PDZRN3: variants seen among roughly 807,000 people sequenced by gnomAD.
PDZRN3 encodes the protein PDZ domain containing ring finger 3.
A neutral mutation model predicts 85.7 loss-of-function variants in PDZRN3; 38 were observed. That is an observed-to-expected ratio of 0.44 (90% CI 0.34 to 0.58). PDZRN3 has a LOEUF of 0.58. Ranked by LOEUF, PDZRN3 falls within the 20% of genes least tolerant of loss-of-function variation. The pLI is 0.01. For missense variants in PDZRN3, 1,629 were observed against 1,506.4 expected, an observed-to-expected ratio of 1.08 and a Z score of -1.35; for synonymous variants, 759 against 638.0, an observed-to-expected ratio of 1.19 and a Z score of -2.86.
chr3:73,501,899 C>T (rs1375107874), intron 3 of PDZRN3, among the ~76,000 whole-genome samples: 1 of 152,078 alleles, frequency 6.6e-6, no homozygotes, highest in Non-Finnish European at 1.5e-5. Flanking sequence ...ACCTGTAATC[C>T]CAGCTACTCA....
intron 3 of PDZRN3, among the ~76,000 whole-genome samples, chr3:73,537,514 C>A (rs927681307): frequency 6.6e-5 from 10 of 152,232 alleles, no homozygotes; most frequent in Non-Finnish European, 8.8e-5. Flanking sequence ...CAACAATTCC[C>A]AGGCAAGGGC....
At chr3:73,434,064 T>C (rs903250169) in intron 3 of PDZRN3, 1 of 509,328 alleles carries the variant, frequency 2.0e-6, no homozygotes, top group African/African-American at 2.1e-5. Context: ...TCATTGACTA[T>C]TCATAACAGA....
chr3:73,595,691 T>G (rs1016471811), intron 3 of PDZRN3, among the ~76,000 whole-genome samples: 1 of 152,146 alleles, frequency 6.6e-6, no homozygotes, highest in Non-Finnish European at 1.5e-5. Flanking sequence ...ACAGATTTAA[T>G]TCAAAGGAAA....
intron 3 of PDZRN3, among the ~76,000 whole-genome samples, chr3:73,497,861 T>C (rs952585580): frequency 2.7e-5 from 4 of 148,942 alleles, no homozygotes; most frequent in African/African-American, 1.0e-4. Context: ...GGGGCACGAC[T>C]CGAACCTCTG....
intron 3 of PDZRN3, among the ~76,000 whole-genome samples, chr3:73,438,097 C>T (rs1702564607): frequency 1.3e-5 from 2 of 152,208 alleles, no homozygotes; most frequent in Admixed American, 1.3e-4. Flanking sequence ...GAGCACAAGG[C>T]ACTCTTCTCG....
chr3:73,600,571 A>G (rs1331373291), intron 3 of PDZRN3, among the ~76,000 whole-genome samples: 1 of 152,152 alleles, frequency 6.6e-6, no homozygotes, highest in Non-Finnish European at 1.5e-5. Context: ...ACACTACATG[A>G]TTAATATTTT....
At position 73,383,568 on chromosome 3, in the gene PDZRN3, A is replaced by G; in HGVS notation, c.2998T>C (p.Leu1000=). ...RRREFMMQSR[L]DCLKEQQAAD... is the part of the protein sequence containing the mutation. ...GCTTGCTGCTCCTTGAGACAATCCAACCTGCTCTGCATCATGAACTCGCGC... is the reference window on the plus strand; with the variant it reads ...GCTTGCTGCTCCTTGAGACAATCCAGCCTGCTCTGCATCATGAACTCGCGC... Residue 1000 remains leucine (L), a synonymous_variant, in exon 10 of 10, where the codon TTG becomes CTG. Transcript: ENST00000263666. 1 of 1,613,918 alleles carries G rather than the reference A, an allele frequency of 6.2e-7. No homozygotes were observed. The highest frequency in any genetic ancestry group is 8.5e-7 in the Non-Finnish European group (1 of 1,179,998).
At chr3:73,549,795 T>C (rs902022252) in intron 3 of PDZRN3, among the ~76,000 whole-genome samples, 1 of 152,224 alleles carries the variant, frequency 6.6e-6, no homozygotes, top group Non-Finnish European at 1.5e-5. Context: ...TTCTGTGCCA[T>C]ATTTCATGCT....
In PDZRN3 at chr3:73,603,704, T is replaced by C. The variant is rs753611925; in HGVS notation, c.811-1243A>G. Among the ~76,000 whole-genome samples, 8 of 152,242 alleles carry C rather than the reference T, an allele frequency of 5.3e-5. No homozygotes were observed. The South Asian group carries it at 8.3e-4, about 16-fold the overall frequency. On this transcript the variant is annotated intron_variant, in intron 2 of 9. Coordinates refer to ENST00000263666, the MANE Select transcript of PDZRN3 (RefSeq NM_015009.3). ...TCTTCAAATAAAACATTTTCCACTT[T>C]AAACAGCAAAAAACAAAACCAAAAA... is the stretch of plus-strand genomic sequence containing the variant.
chr3:73,468,765 C>T (rs146015401), intron 3 of PDZRN3, among the ~76,000 whole-genome samples: 156 of 152,236 alleles, frequency 1.0e-3, no homozygotes, highest in Admixed American at 3.1e-3. Flanking sequence ...AGAGGTTAAG[C>T]GGGAGATCTG....
At chr3:73,598,502 T>C (rs1702464364) in intron 3 of PDZRN3, among the ~76,000 whole-genome samples, 1 of 152,118 alleles carries the variant, frequency 6.6e-6, no homozygotes, top group South Asian at 2.1e-4. Context: ...CAGAAGCCAA[T>C]ACTGAGTAAG....
intron 3 of PDZRN3, among the ~76,000 whole-genome samples, chr3:73,577,289 A>G (rs938688826): frequency 2.6e-5 from 4 of 152,190 alleles, no homozygotes; most frequent in Admixed American, 6.5e-5. Flanking sequence ...ATCTCTGTGG[A>G]AAGTTCTACT....
intron 3 of PDZRN3, among the ~76,000 whole-genome samples, chr3:73,467,744 T>C (rs1703249931): frequency 6.6e-6 from 1 of 152,206 alleles, no homozygotes; most frequent in Non-Finnish European, 1.5e-5. Flanking sequence ...TTTATGGCTA[T>C]TCCCTCTATT....
At chr3:73,525,785 C>T (rs985020058) in intron 3 of PDZRN3, among the ~76,000 whole-genome samples, 1 of 152,198 alleles carries the variant, frequency 6.6e-6, no homozygotes, top group African/African-American at 2.4e-5. Flanking sequence ...CTCACCCCCT[C>T]AGCGAGGGCT....
In PDZRN3 at chr3:73,384,449, TG is replaced by T; in HGVS notation, c.2116del (p.His706ThrfsTer74). 1 of 1,612,360 alleles carries T rather than the reference TG, an allele frequency of 6.2e-7. No homozygotes were observed. The highest frequency in any genetic ancestry group is 8.5e-7 in the Non-Finnish European group (1 of 1,180,020). ...CTGCTCCTTGAGCTGCTGCATCTTGTGGGCGCGCACGATGCTCAGGCACTCC... is the reference window on the plus strand; with the variant it reads ...CTGCTCCTTGAGCTGCTGCATCTTGTGGCGCGCACGATGCTCAGGCACTCC... ...ELECLSIVRA[H>X]KMQQLKEQYR... On this transcript the variant is annotated frameshift_variant, in exon 10 of 10. Coordinates refer to ENST00000263666, the MANE Select transcript of PDZRN3 (RefSeq NM_015009.3). LOFTEE classifies it high-confidence loss of function.
chr3:73,391,764 C>A (rs1489554836), intron 5 of PDZRN3, among the ~76,000 whole-genome samples: 1 of 152,132 alleles, frequency 6.6e-6, no homozygotes, highest in Non-Finnish European at 1.5e-5. Context: ...AGAATGAAGT[C>A]AGAACTTTGG....
chr3:73,600,337 A>ACACACTCTCT (rs34405662), intron 3 of PDZRN3, among the ~76,000 whole-genome samples: 3,244 of 100,088 alleles, frequency 0.032, 88 homozygotes, highest in Non-Finnish European at 0.048. Flanking sequence ...ACACACACAC[A>ACACACTCTCT]CTCTCTCTCT....
chr3:73,624,914 C>T lies in PDZRN3; in HGVS notation c.-89G>A. On this transcript the variant is annotated 5_prime_UTR_variant, in exon 1 of 10. Transcript: ENST00000263666. ...GGCCCAGACAGGCCGGCTACGCCGC[C>T]CGCGCGCTCGCTGGCTCTCCCCGGA... The T allele has an allele frequency of 9.4e-7, 1 of 1,061,996 alleles. No homozygotes were observed. The highest frequency in any genetic ancestry group is 1.2e-6 in the Non-Finnish European group (1 of 831,258). The allele number at this position is 1,061,996 out of a possible 1,614,324, so 65.8% of individuals were successfully genotyped here.
intron 3 of PDZRN3, among the ~76,000 whole-genome samples, chr3:73,478,448 AC>A (rs2106900306): frequency 6.6e-6 from 1 of 151,936 alleles, no homozygotes; most frequent in South Asian, 2.1e-4. Flanking sequence ...GTCTCCCATC[AC>A]CCCCAGATGA....
Sources: allele counts gnomAD v4.1 joint callset (sites outside exome capture counted in the v4.1 genomes callset), GRCh38; gene constraint gnomAD v4.1.1; transcripts MANE v1.5; gene names NCBI Gene and HGNC (gene_info 2026-07-23, HGNC 2026-07-21).